GLIS1: variants seen among roughly 807,000 people sequenced by gnomAD.
The protein encoded by GLIS1 is GLIS family zinc finger 1.
A neutral mutation model predicts 63.8 loss-of-function variants in GLIS1; 24 were observed. The ratio of observed to expected loss-of-function variants is 0.38; its 90% CI spans 0.27 to 0.53. GLIS1 has a LOEUF of 0.53. GLIS1 is among the 20% of genes least tolerant of loss of function. The probability of loss-of-function intolerance (pLI) is 0.85; values close to 1 mark genes in which losing one functional copy is unlikely to be tolerated. For synonymous variants in GLIS1, 450 were observed against 482.5 expected, an observed-to-expected ratio of 0.93 and a Z score of 0.88; for missense variants, 1,036 against 1,074.1, an observed-to-expected ratio of 0.96 and a Z score of 0.50.
intron 2 of GLIS1, among the ~76,000 whole-genome samples, chr1:53,727,735 G>T (rs545964165): frequency 1.3e-5 from 2 of 152,056 alleles, no homozygotes; most frequent in South Asian, 4.2e-4. Flanking sequence ...GGAGAGGGAG[G>T]CCCAGCTGAG....
At chr1:53,536,577 T>C (rs1016584892) in intron 4 of GLIS1, among the ~76,000 whole-genome samples, 9 of 152,090 alleles carry the variant, frequency 5.9e-5, no homozygotes, top group Non-Finnish European at 1.2e-4. Flanking sequence ...GTGATGTCAC[T>C]GGCTCCAGGT....
intron 2 of GLIS1, among the ~76,000 whole-genome samples, chr1:53,668,523 G>A (rs1338392386): frequency 2.0e-5 from 3 of 151,848 alleles, no homozygotes; most frequent in African/African-American, 7.3e-5. Flanking sequence ...CACCATGCCC[G>A]GCTAATTTTT....
intron 2 of GLIS1, among the ~76,000 whole-genome samples, chr1:53,660,652 A>G (rs967599855): frequency 6.6e-6 from 1 of 152,200 alleles, no homozygotes; most frequent in Non-Finnish European, 1.5e-5. Context: ...TGACTGGGGC[A>G]GGGAGGAGGG....
chr1:53,738,620 C>G (rs946392223), intron 1 of GLIS1, among the ~76,000 whole-genome samples: 1 of 152,202 alleles, frequency 6.6e-6, no homozygotes, highest in East Asian at 1.9e-4. Flanking sequence ...CGAGGGAAAC[C>G]CCCAGAGACT....
At chr1:53,530,353 C>G (rs1204927165) in intron 4 of GLIS1, among the ~76,000 whole-genome samples, 2 of 152,216 alleles carry the variant, frequency 1.3e-5, no homozygotes, top group African/African-American at 4.8e-5. Flanking sequence ...TGGATCTGAA[C>G]TGGGCTCTGT....
intron 6 of GLIS1, among the ~76,000 whole-genome samples, chr1:53,522,987 T>TTTTTC (rs1488744448): frequency 4.8e-5 from 1 of 20,788 alleles, no homozygotes; most frequent in African/African-American, 5.5e-4. Context: ...CTTTTCTTTC[T>TTTTTC]TTTTTTTTTT....
chr1:53,702,050 C>T (rs2100495902), intron 2 of GLIS1, among the ~76,000 whole-genome samples: 1 of 151,602 alleles, frequency 6.6e-6, no homozygotes, highest in South Asian at 2.1e-4. Context: ...CACAGTCAGC[C>T]CAGGCACAGA....
At chr1:53,610,192 A>T (rs931168975) in intron 2 of GLIS1, among the ~76,000 whole-genome samples, 34 of 152,158 alleles carry the variant, frequency 2.2e-4, no homozygotes, top group African/African-American at 8.0e-4. Context: ...TCGTTACCAG[A>T]TAGTATTGTT....
intron 2 of GLIS1, among the ~76,000 whole-genome samples, chr1:53,721,780 A>C (rs1646758201): frequency 6.6e-6 from 1 of 152,234 alleles, no homozygotes; most frequent in Non-Finnish European, 1.5e-5. Context: ...GGTGAACGAC[A>C]AAAAGAAAGC....
chr1:53,606,799 C>T (rs757705396), intron 2 of GLIS1, among the ~76,000 whole-genome samples: 10 of 152,254 alleles, frequency 6.6e-5, no homozygotes, highest in Admixed American at 1.3e-4. Flanking sequence ...CGGCCTCACG[C>T]CGGGCTTCTG....
rs146278448 is a variant in GLIS1 at position 53,675,322 on chromosome 1, A to C, written c.259+62484T>G. On this transcript the variant is annotated intron_variant, in intron 2 of 10. Transcript: ENST00000628545. Reference sequence around the variant, plus strand: ...ATCACTCACCTGGGATTATTATTCCATCTTTAGAGATGTGGCTCAGAGAGG... The same window carrying C: ...ATCACTCACCTGGGATTATTATTCCCTCTTTAGAGATGTGGCTCAGAGAGG... Among the ~76,000 whole-genome samples, 11 of 152,282 alleles carry C rather than the reference A, an allele frequency of 7.2e-5. No individual in the cohort carries two copies. The East Asian group carries it at 2.1e-3, about 29-fold the overall frequency.
At chr1:53,544,951 G>A (rs1464865440) in intron 4 of GLIS1, among the ~76,000 whole-genome samples, 1 of 152,116 alleles carries the variant, frequency 6.6e-6, no homozygotes, top group Non-Finnish European at 1.5e-5. Flanking sequence ...TTGTGGGTGG[G>A]GACACCAAGG....
chr1:53,542,577 G>C (rs1244220921), intron 4 of GLIS1, among the ~76,000 whole-genome samples: 2 of 152,232 alleles, frequency 1.3e-5, no homozygotes, highest in Non-Finnish European at 2.9e-5. Flanking sequence ...TGGGGGCTGG[G>C]AGAGACCTTG....
At chr1:53,530,487 G>A (rs955135419) in intron 4 of GLIS1, among the ~76,000 whole-genome samples, 7 of 152,188 alleles carry the variant, frequency 4.6e-5, no homozygotes, top group Non-Finnish European at 8.8e-5. Flanking sequence ...GACATTGAAT[G>A]TCATGGGGTT....
At chr1:53,570,950 A>G (rs1644978369) in intron 4 of GLIS1, among the ~76,000 whole-genome samples, 1 of 152,260 alleles carries the variant, frequency 6.6e-6, no homozygotes, top group African/African-American at 2.4e-5. Context: ...AAAAGGAAAG[A>G]TTGATAAATT....
chr1:53,559,589 C>T (rs1317130894), intron 4 of GLIS1, among the ~76,000 whole-genome samples: 2 of 152,192 alleles, frequency 1.3e-5, no homozygotes, highest in Non-Finnish European at 2.9e-5. Flanking sequence ...ACTCACCATG[C>T]GGCTCTGCTC....
Position 53,539,384 on chromosome 1 carries a change from C to T in GLIS1, c.1321-9432G>A, listed in dbSNP as rs923162304. 2.6e-5 allele frequency among the ~76,000 whole-genome samples: 4 copies of T among 151,284 alleles called. No individual in the cohort carries two copies. The highest frequency in any genetic ancestry group is 2.6e-4 in the Admixed American group (4 of 15,160). On this transcript the variant is annotated intron_variant, in intron 4 of 10. Coordinates refer to ENST00000628545, the MANE Select transcript of GLIS1 (RefSeq NM_001367484.1). This position sits in a 1 kb window ranked among gnomAD's most constrained non-coding sequence, Gnocchi z 5.0. Reference sequence around the variant, plus strand: ...ACATAACACACCCACACATATCATACCACACACACACTCCACAGCACATGA... The same window carrying T: ...ACATAACACACCCACACATATCATATCACACACACACTCCACAGCACATGA...
chr1:53,594,892 G>A lies in GLIS1; in HGVS notation c.536C>T (p.Ala179Val). The A allele has an allele frequency of 6.5e-7, 1 of 1,539,482 alleles. No homozygotes were observed. The highest frequency in any genetic ancestry group is 1.2e-5 in the South Asian group (1 of 80,660). The change falls in exon 4 of 11, where the codon GCC becomes GTC. Residue 179 changes from alanine to valine, a missense_variant. Physicochemically the swap from Ala to Val is moderately conservative, Grantham distance 64 (BLOSUM62 0). Coordinates refer to ENST00000628545, the MANE Select transcript of GLIS1 (RefSeq NM_001367484.1). ...ACAGTGGGCAGACAGGGATGTGCGG[G>A]CCTCTGCCATGGCTTGGTAGTCGGG... The part of the protein sequence containing the change: ...SLPDYQAMAE[A>V]RTSLSAHCRG...
At chr1:53,701,520 G>C (rs892829363) in intron 2 of GLIS1, among the ~76,000 whole-genome samples, 2 of 152,286 alleles carry the variant, frequency 1.3e-5, no homozygotes, top group African/African-American at 4.8e-5. Context: ...GCCCTATTGT[G>C]GCCCCATTTT....
Sources: allele counts gnomAD v4.1 joint callset (sites outside exome capture counted in the v4.1 genomes callset), GRCh38; gene constraint gnomAD v4.1.1; non-coding constraint Gnocchi (gnomAD v3.1); transcripts MANE v1.5; gene names NCBI Gene and HGNC (gene_info 2026-07-23, HGNC 2026-07-21).